Variants in MAGI2 observed in about 807,000 individuals in gnomAD.
The protein encoded by MAGI2 is membrane-associated guanylate kinase, WW and PDZ domain-containing protein 2.
A neutral mutation model predicts 133.3 loss-of-function variants in MAGI2; 35 were observed. The observed-to-expected ratio is 0.26, with a 90% CI of 0.20 to 0.35. MAGI2 has a LOEUF of 0.35. MAGI2 is among the 10% of genes least tolerant of loss of function. The pLI is 1.00. For synonymous variants in MAGI2, 729 were observed against 710.6 expected (o/e 1.03, Z -0.41); for missense variants, 1,636 against 1,863.4 (o/e 0.88, Z 2.25).
chr7:79,320,531 T>C (rs1490002100), intron 1 of MAGI2, among the ~76,000 whole-genome samples: 1 of 152,144 alleles, frequency 6.6e-6, no homozygotes, highest in African/African-American at 2.4e-5. Flanking sequence ...TATTTGTTTA[T>C]ATCTACAGCC....
intron 2 of MAGI2, among the ~76,000 whole-genome samples, chr7:78,680,806 A>G (rs1037556428): frequency 6.6e-5 from 10 of 152,142 alleles, no homozygotes; most frequent in African/African-American, 2.4e-4. Context: ...ACCTTCTTCC[A>G]TATAGTCTTT....
chr7:78,351,626 C>A (rs1038958364), intron 7 of MAGI2: 4 of 152,000 alleles, frequency 2.6e-5, no homozygotes, highest in Admixed American at 2.6e-4. Flanking sequence ...TTTCTCTAAC[C>A]CCAATTCCAA....
intron 3 of MAGI2, among the ~76,000 whole-genome samples, chr7:78,555,034 A>C (rs2192654): frequency 0.33 from 50,385 of 151,600 alleles, 10,400 homozygotes; most frequent in Non-Finnish European, 0.45. Flanking sequence ...GCAGCCTCAG[A>C]AGGCTGAGGT....
At chr7:78,152,150 C>A (rs1000951002) in intron 16 of MAGI2, among the ~76,000 whole-genome samples, 1 of 152,150 alleles carries the variant, frequency 6.6e-6, no homozygotes, top group Admixed American at 6.5e-5. Flanking sequence ...ACTGTTTGGG[C>A]AATAGTCTCC....
intron 1 of MAGI2, among the ~76,000 whole-genome samples, chr7:79,337,857 G>T (rs889401000): frequency 6.6e-6 from 1 of 152,084 alleles, no homozygotes; most frequent in South Asian, 2.1e-4. Context: ...TAATTGTGAT[G>T]TGGTGTGTGC....
intron 2 of MAGI2, among the ~76,000 whole-genome samples, chr7:78,693,870 T>C (rs1817224903): frequency 6.6e-6 from 1 of 152,200 alleles, no homozygotes; most frequent in African/African-American, 2.4e-5. Context: ...ACGGTGAGAC[T>C]GTCTGCTTTG....
At chr7:79,099,676 T>C (rs956960551) in intron 1 of MAGI2, among the ~76,000 whole-genome samples, 3 of 152,070 alleles carry the variant, frequency 2.0e-5, no homozygotes, top group Admixed American at 6.6e-5. Flanking sequence ...CCCTCTTTTT[T>C]CCATGTGTAC....
rs1454606280 is a variant in MAGI2, at chr7:78,521,444, A to C, written c.740T>G (p.Val247Gly). The change falls in exon 4 of 22, where the codon GTA (valine) becomes GGA (glycine). Residue 247 changes from valine (V) to glycine (G), a missense_variant. Around this residue, in one of 5 missense-constraint regions of MAGI2, gnomAD observed 165 missense variants for 128.4 expected, o/e 1.28. Coordinates refer to ENST00000354212, the MANE Select transcript of MAGI2 (RefSeq NM_012301.4). ...EERPVVNGNGVVVTPESSEHE... is the reference protein window; with the variant it reads ...EERPVVNGNGGVVTPESSEHE... ...AAATGACTAACCTGGTGTTACTACT[A>C]CTCCATTTCCATTGACCACAGGCCT... 6.2e-7 allele frequency: 1 copy of C among 1,613,538 alleles called. No individual in the cohort carries two copies.
intron 1 of MAGI2, among the ~76,000 whole-genome samples, chr7:79,053,572 T>A (rs537925126): frequency 6.6e-6 from 1 of 152,306 alleles, no homozygotes; most frequent in South Asian, 2.1e-4. Context: ...AGTTTGAGTT[T>A]ATTAATAAAA....
chr7:78,988,568 T>C (rs183095091), intron 2 of MAGI2, among the ~76,000 whole-genome samples: 1 of 152,144 alleles, frequency 6.6e-6, no homozygotes, highest in Non-Finnish European at 1.5e-5. Context: ...AAGCCCTGTG[T>C]TATTTTGCAG....
At chr7:79,069,891 T>C (rs1584851273) in intron 1 of MAGI2, among the ~76,000 whole-genome samples, 1 of 152,226 alleles carries the variant, frequency 6.6e-6, no homozygotes, top group Non-Finnish European at 1.5e-5. Context: ...TATGTAATTC[T>C]GGGTTGAAAA....
At chr7:78,524,567 A>T (rs1303008706) in intron 3 of MAGI2, among the ~76,000 whole-genome samples, 1 of 152,216 alleles carries the variant, frequency 6.6e-6, no homozygotes, top group Admixed American at 6.5e-5. Flanking sequence ...CTGTAAGTAT[A>T]TAACTTTTTT....
intron 2 of MAGI2, among the ~76,000 whole-genome samples, chr7:78,674,790 A>G (rs936958055): frequency 2.0e-5 from 3 of 152,140 alleles, no homozygotes; most frequent in African/African-American, 7.2e-5. Flanking sequence ...GACAGTTACT[A>G]GAGTTTATGT....
chr7:79,184,394 T>C (rs1299313155), intron 1 of MAGI2, among the ~76,000 whole-genome samples: 8 of 150,824 alleles, frequency 5.3e-5, no homozygotes, highest in African/African-American at 1.7e-4. Flanking sequence ...ACACACCTGT[T>C]TCCCAAAAAC....
intron 3 of MAGI2, chr7:78,615,042 C>T (rs1806926607): frequency 1.3e-5 from 2 of 152,140 alleles, no homozygotes; most frequent in African/African-American, 4.8e-5. Flanking sequence ...ACTCAATTTT[C>T]GCATTCCTCT....
chr7:78,033,205 G>A (rs1384336135), intron 21 of MAGI2, among the ~76,000 whole-genome samples: 1 of 152,114 alleles, frequency 6.6e-6, no homozygotes, highest in Non-Finnish European at 1.5e-5. Flanking sequence ...CCTGCTGATG[G>A]ATTGAATGTG....
At chr7:78,968,119 C>A (rs191291116) in intron 2 of MAGI2, among the ~76,000 whole-genome samples, 33 of 152,270 alleles carry the variant, frequency 2.2e-4, no homozygotes, top group African/African-American at 7.7e-4. Context: ...GCGTGAGCCA[C>A]CGCACCCTGC....
intron 1 of MAGI2, among the ~76,000 whole-genome samples, chr7:79,266,818 C>A (rs1162018944): frequency 6.6e-6 from 1 of 152,140 alleles, no homozygotes; most frequent in African/African-American, 2.4e-5. Flanking sequence ...GACAGACACC[C>A]CCCCAAAGCA....
At chr7:79,294,064 TC>T (rs1392010279) in intron 1 of MAGI2, among the ~76,000 whole-genome samples, 1 of 149,274 alleles carries the variant, frequency 6.7e-6, no homozygotes, top group Non-Finnish European at 1.5e-5. Context: ...GAGTCTGTAA[TC>T]CCCTCAGGAG....
Sources: allele counts gnomAD v4.1 joint callset (sites outside exome capture counted in the v4.1 genomes callset), GRCh38; gene constraint gnomAD v4.1.1; regional missense constraint gnomAD v4.1.1; transcripts MANE v1.5; gene names NCBI Gene and HGNC (gene_info 2026-07-23, HGNC 2026-07-21).